Variants in SGCD observed in about 807,000 individuals in gnomAD.
The protein encoded by SGCD is delta-sarcoglycan.
In SGCD, 18 loss-of-function variants were observed where a neutral mutation model predicts 36.6. That is an observed-to-expected ratio of 0.49 (90% CI 0.34 to 0.73). The LOEUF is 0.73. Among genes scored for constraint, SGCD ranks in the 30% least tolerant of loss-of-function variants. The probability of loss-of-function intolerance (pLI) is 0.01; values close to 1 mark genes in which losing one functional copy is unlikely to be tolerated. For synonymous variants in SGCD, 133 were observed against 130.6 expected (o/e 1.02, Z -0.12); for missense variants, 387 against 346.7 (o/e 1.12, Z -0.92).
chr5:156,614,537 C>T (rs1163381012), intron 6 of SGCD, among the ~76,000 whole-genome samples: 2 of 152,238 alleles, frequency 1.3e-5, no homozygotes, highest in Non-Finnish European at 2.9e-5. Context: ...AGTCTCTGAC[C>T]ATTCGCTGAT....
chr5:156,286,840 C>T (rs1368511265), intron 3 of SGCD, among the ~76,000 whole-genome samples: 1 of 151,586 alleles, frequency 6.6e-6, no homozygotes, highest in African/African-American at 2.4e-5. Context: ...AAAAAGAGCA[C>T]ATACAATGCT....
chr5:156,565,080 C>A (rs1413374343), intron 4 of SGCD, among the ~76,000 whole-genome samples: 1 of 152,178 alleles, frequency 6.6e-6, no homozygotes, highest in African/African-American at 2.4e-5. Context: ...AGGACAGTCT[C>A]ACAGTTCCCA....
At chr5:156,297,342 T>C (rs1766922687) in intron 3 of SGCD, among the ~76,000 whole-genome samples, 2 of 152,158 alleles carry the variant, frequency 1.3e-5, no homozygotes, top group Admixed American at 6.5e-5. Flanking sequence ...TGCACACGTA[T>C]GTTTATTGCG....
intron 4 of SGCD, among the ~76,000 whole-genome samples, chr5:156,531,680 C>T (rs946732756): frequency 5.3e-5 from 8 of 152,088 alleles, no homozygotes; most frequent in African/African-American, 1.7e-4. Context: ...TAAAATTTCC[C>T]TTGAAAAAAC....
intron 1 of SGCD, among the ~76,000 whole-genome samples, chr5:156,050,445 CTT>C (rs1195602441): frequency 6.8e-6 from 1 of 146,756 alleles, no homozygotes; most frequent in East Asian, 1.9e-4. Context: ...GTAAACATAA[CTT>C]TTCCATGTAC....
intron 1 of SGCD, among the ~76,000 whole-genome samples, chr5:155,871,731 G>A (rs2113276203): frequency 6.6e-6 from 1 of 152,264 alleles, no homozygotes; most frequent in South Asian, 2.1e-4. Context: ...AAGTTATGAT[G>A]GAAAATTCCC....
At chr5:155,807,270 C>T in the SGCD span, among the ~76,000 whole-genome samples, 1 of 152,216 alleles carries the variant, frequency 6.6e-6, no homozygotes, top group African/African-American at 2.4e-5. Context: ...GAACCAGGTA[C>T]TGTCTGTAAT....
the SGCD span, among the ~76,000 whole-genome samples, chr5:155,833,439 T>C: frequency 6.6e-6 from 1 of 152,186 alleles, no homozygotes; most frequent in Non-Finnish European, 1.5e-5. Context: ...TTTCTGGTAG[T>C]GATGGGCCTT....
chr5:156,231,496 A>G (rs1213649837), intron 3 of SGCD, among the ~76,000 whole-genome samples: 1 of 152,162 alleles, frequency 6.6e-6, no homozygotes, highest in Non-Finnish European at 1.5e-5. Flanking sequence ...AGATCGCCCC[A>G]CTGCACTCTA....
chr5:156,405,338 T>G (rs1462481947), intron 3 of SGCD, among the ~76,000 whole-genome samples: 1 of 152,164 alleles, frequency 6.6e-6, no homozygotes, highest in East Asian at 1.9e-4. Flanking sequence ...AATAGAAAAT[T>G]ATTATATGCA....
chr5:156,614,962 AC>A (rs1308568378), intron 6 of SGCD, among the ~76,000 whole-genome samples: 1 of 152,070 alleles, frequency 6.6e-6, no homozygotes, highest in African/African-American at 2.4e-5. Flanking sequence ...TGTTTTTGCC[AC>A]CCCCGGTTTT....
chr5:156,605,142 T>G (rs1719467476), intron 6 of SGCD, among the ~76,000 whole-genome samples: 1 of 152,156 alleles, frequency 6.6e-6, no homozygotes, highest in Admixed American at 6.5e-5. Flanking sequence ...GTTGGTGTGC[T>G]GCACCCATTA....
chr5:156,420,785 C>G (rs1466862723), intron 3 of SGCD, among the ~76,000 whole-genome samples: 1 of 152,108 alleles, frequency 6.6e-6, no homozygotes, highest in Non-Finnish European at 1.5e-5. Flanking sequence ...ATGCTTTCCA[C>G]TGTAAGAATT....
chr5:156,381,777 T>C (rs1284435793), intron 3 of SGCD, among the ~76,000 whole-genome samples: 1 of 152,112 alleles, frequency 6.6e-6, no homozygotes, highest in African/African-American at 2.4e-5. Context: ...GATTGGAAGC[T>C]CTAGGGACAG....
In SGCD at chr5:156,505,182, T is replaced by A. The variant is rs142615292; in HGVS notation, c.193-3419T>A. 3.4e-4 allele frequency among the ~76,000 whole-genome samples: 52 copies of A among 152,338 alleles called. No homozygotes were observed. The East Asian group carries it at 9.8e-3, about 29-fold the overall frequency. ...ACATCCGCATTGCCGTGTTTCCCTT[T>A]GTTGCAGGTTCCACCTGCTGCAGGT... On this transcript the variant is annotated intron_variant, in intron 3 of 8. Transcript: ENST00000337851.
intron 1 of SGCD, among the ~76,000 whole-genome samples, chr5:155,954,796 G>T (rs1417019539): frequency 6.6e-6 from 1 of 152,086 alleles, no homozygotes; most frequent in Admixed American, 6.5e-5. Context: ...TGAAGAATTG[G>T]CTCATGCGAT....
intron 1 of SGCD, among the ~76,000 whole-genome samples, chr5:155,954,857 C>T (rs952929115): frequency 5.9e-5 from 9 of 152,184 alleles, no homozygotes; most frequent in African/African-American, 9.6e-5. Context: ...TGCTGGTCTA[C>T]GAGAGAGCTC....
At chr5:156,366,369 T>C (rs1478069377) in intron 3 of SGCD, among the ~76,000 whole-genome samples, 1 of 151,444 alleles carries the variant, frequency 6.6e-6, no homozygotes, top group African/African-American at 2.4e-5. Flanking sequence ...ATGGCAAGAG[T>C]GGAAATTTGG....
At chr5:156,134,479 T>C (rs966535110) in intron 3 of SGCD, among the ~76,000 whole-genome samples, 15 of 152,090 alleles carry the variant, frequency 9.9e-5, no homozygotes, top group African/African-American at 3.6e-4. Context: ...CTCCATTTAT[T>C]AGAAACATGC....
Sources: gnomAD v4.1 joint callset for allele counts (sites outside exome capture counted in the v4.1 genomes callset) on GRCh38, gnomAD v4.1.1 for gene constraint, MANE v1.5 for transcripts, NCBI Gene and HGNC (gene_info 2026-07-23, HGNC 2026-07-21) for gene names.